Variants in SCYL2 observed in about 807,000 individuals in gnomAD.
The protein encoded by SCYL2 is SCY1 like pseudokinase 2.
SCYL2 carries 36 observed loss-of-function variants against 100.4 expected under a neutral mutation model. The observed-to-expected ratio is 0.36, with a 90% CI of 0.27 to 0.47. The LOEUF is 0.47. SCYL2 is among the 20% of genes least tolerant of loss of function. SCYL2 has a pLI of 1.00. For synonymous variants in SCYL2, 330 were observed against 359.2 expected, an observed-to-expected ratio of 0.92 and a Z score of 0.92; for missense variants, 902 against 1,083.9, an observed-to-expected ratio of 0.83 and a Z score of 2.36.
chr12:100,338,577 G>T lies in SCYL2; in HGVS notation c.2195G>T (p.Ser732Ile). ...TLMDNMSSLT[S>I]LSVSTPKSSA... ...ATGGATAATATGTCATCCTTGACCA[G>T]CCTTTCTGTTAGTACCCCTAAATCT... Residue 732 changes from serine to isoleucine, a missense_variant, in exon 18 of 18, where the codon AGC (serine) becomes ATC (isoleucine). Transcript: ENST00000360820. 1 of 1,613,512 alleles carries T rather than the reference G, an allele frequency of 6.2e-7. No individual in the cohort carries two copies. The highest frequency in any genetic ancestry group is 8.5e-7 in the Non-Finnish European group (1 of 1,179,642).
Position 100,335,625 on chromosome 12 carries a change from A to G in SCYL2, c.1863A>G (p.Lys621=). Residue 621 remains lysine (K), a splice_region_variant and synonymous_variant, in exon 15 of 18, where the codon AAA becomes AAG. Transcript: ENST00000360820. The stretch of plus-strand genomic sequence containing the variant: ...TTATCATAATTCAACTCTCCTACAG[A>G]TCTTTGGATATAGGAAATCAAATGA... ...EQLHIMQEQQ[K]SLDIGNQMNV... is the part of the protein sequence containing the mutation. The G allele has an allele frequency of 6.3e-7, 1 of 1,592,472 alleles. No homozygotes were observed. The highest frequency in any genetic ancestry group is 8.6e-7 in the Non-Finnish European group (1 of 1,164,578).
At chr12:100,274,535 T>C (rs1185598294) in intron 1 of SCYL2, among the ~76,000 whole-genome samples, 1 of 152,214 alleles carries the variant, frequency 6.6e-6, no homozygotes, top group African/African-American at 2.4e-5. Flanking sequence ...AGGTACAGCC[T>C]CCTTTAGTAT....
At chr12:100,322,075 A>G (rs1298416610) in intron 10 of SCYL2, among the ~76,000 whole-genome samples, 3 of 150,682 alleles carry the variant, frequency 2.0e-5, no homozygotes, top group Admixed American at 2.0e-4. Context: ...AAAAAACCCA[A>G]GAAAACTAAA....
chr12:100,313,396 T>C (rs2096344572), intron 6 of SCYL2, 26 bp from the exon 7 acceptor site: 1 of 1,085,434 alleles, frequency 9.2e-7, no homozygotes, highest in Non-Finnish European at 1.4e-6. Context: ...TTTATACTCA[T>C]TTAATGTTAT....
chr12:100,311,257 A>G (rs2096341848), intron 5 of SCYL2, 64 bp downstream of exon 5: 1 of 1,505,788 alleles, frequency 6.6e-7, no homozygotes, highest in Non-Finnish European at 8.9e-7. Flanking sequence ...TCTGGAATGG[A>G]CTAGAAATAG....
At chr12:100,327,601 G>A (rs1363241099) in intron 12 of SCYL2, among the ~76,000 whole-genome samples, 6 of 150,926 alleles carry the variant, frequency 4.0e-5, no homozygotes, top group African/African-American at 1.2e-4. Context: ...TGCAACCTCC[G>A]CCTCCCGAGT....
intron 1 of SCYL2, among the ~76,000 whole-genome samples, chr12:100,281,604 C>T (rs904374658): frequency 8.5e-5 from 13 of 152,178 alleles, no homozygotes; most frequent in African/African-American, 1.7e-4. Context: ...GAGTCTGAGG[C>T]GGGCAGATCA....
chr12:100,269,395 C>T (rs973193804), intron 1 of SCYL2, among the ~76,000 whole-genome samples: 1 of 152,060 alleles, frequency 6.6e-6, no homozygotes, highest in African/African-American at 2.4e-5. Flanking sequence ...GATTAGAATA[C>T]ATTCTCCTGA....
At chr12:100,297,868 A>G (rs1456126852) in intron 3 of SCYL2, among the ~76,000 whole-genome samples, 163 bp from the exon 4 acceptor site, 2 of 152,154 alleles carry the variant, frequency 1.3e-5, no homozygotes, top group East Asian at 3.8e-4. Flanking sequence ...AGAGGCTCCT[A>G]ACTTTGTTGG....
intron 9 of SCYL2, among the ~76,000 whole-genome samples, chr12:100,317,183 C>T (rs1011477930): frequency 3.9e-5 from 6 of 151,906 alleles, no homozygotes; most frequent in East Asian, 1.9e-4. Context: ...ATAGAAGGGG[C>T]AGTATGTTCC....
Position 100,267,810 on chromosome 12 carries a change from A to G in SCYL2, c.-29+18A>G, listed in dbSNP as rs1400409839. The G allele has an allele frequency of 6.6e-6, 1 of 152,114 alleles. No individual in the cohort carries two copies. The highest frequency in any genetic ancestry group is 1.5e-5 in the Non-Finnish European group (1 of 68,096). The allele number at this position is 152,114 out of a possible 1,614,324, so 9.4% of individuals were successfully genotyped here. A position where few individuals can be genotyped will look rare whatever the true frequency, so the allele number is the denominator to read the frequency against. On this transcript the variant is annotated intron_variant, in intron 1 of 17. Transcript: ENST00000360820. ...AGGACCGGGTGAGAGAGTTCACCTC[A>G]GTTCTGAGGTCCGGAATCCGGTAGC...
At chr12:100,269,852 T>TA (rs2096285492) in intron 1 of SCYL2, among the ~76,000 whole-genome samples, 1 of 152,240 alleles carries the variant, frequency 6.6e-6, no homozygotes, top group South Asian at 2.1e-4. Flanking sequence ...AGGTTTGAGA[T>TA]ACTACCTAGG....
At chr12:100,284,785 T>C (rs2096302678) in intron 2 of SCYL2, among the ~76,000 whole-genome samples, 1 of 152,150 alleles carries the variant, frequency 6.6e-6, no homozygotes, top group Non-Finnish European at 1.5e-5. Context: ...TGAGTGTTCA[T>C]TTAGAAGCAG....
chr12:100,287,989 T>A (rs1247424957), intron 2 of SCYL2, among the ~76,000 whole-genome samples: 1 of 152,158 alleles, frequency 6.6e-6, no homozygotes. Flanking sequence ...TTGTAATATA[T>A]ATAAGGTGAC....
rs766388871 is a variant in SCYL2 at position 100,291,671 on chromosome 12, A to C, written c.335+11A>C. 2.6e-6 allele frequency: 4 copies of C among 1,564,184 alleles called. No homozygotes were observed. Among genetic ancestry groups the C allele is most frequent in the Non-Finnish European group, 3.4e-6 (4 of 1,163,796 alleles). ...TTTAGAAGAATCCAGGTAAATTTTT[A>C]CAAAAACTTACATAGTAGACTTCCT... On this transcript the variant is annotated intron_variant, in intron 3 of 17. Transcript: ENST00000360820.
chr12:100,310,248 G>A (rs2096340556), intron 4 of SCYL2, among the ~76,000 whole-genome samples: 1 of 152,072 alleles, frequency 6.6e-6, no homozygotes, highest in African/African-American at 2.4e-5. Context: ...CGCCTGCCTC[G>A]GCCTCCCAAA....
At chr12:100,275,349 G>A (rs529965563) in intron 1 of SCYL2, among the ~76,000 whole-genome samples, 1 of 151,966 alleles carries the variant, frequency 6.6e-6, no homozygotes, top group African/African-American at 2.4e-5. Flanking sequence ...CTGCAGACAT[G>A]TGCTACTGCT....
At chr12:100,316,840 G>A (rs1038120123) in intron 9 of SCYL2, among the ~76,000 whole-genome samples, 4 of 152,168 alleles carry the variant, frequency 2.6e-5, no homozygotes, top group African/African-American at 9.6e-5. Flanking sequence ...AGTGGCTCAC[G>A]CTTGTAATCC....
intron 15 of SCYL2, 25 bp downstream of exon 15, chr12:100,335,716 G>C (rs1273615366): frequency 6.2e-7 from 1 of 1,600,726 alleles, no homozygotes; most frequent in Non-Finnish European, 8.5e-7. Flanking sequence ...AATTTTTGCA[G>C]AAAGTATGCT....
Sources: allele counts gnomAD v4.1 joint callset (sites outside exome capture counted in the v4.1 genomes callset), GRCh38; gene constraint gnomAD v4.1.1; transcripts MANE v1.5; gene names NCBI Gene and HGNC (gene_info 2026-07-23, HGNC 2026-07-21).